The following SPDL1 variants were observed in gnomAD, a reference collection of about 807,000 sequenced individuals.
SPDL1 encodes the protein protein Spindly.
Under a neutral mutation model 79.5 loss-of-function variants are expected in SPDL1, and 85 were observed. That is an observed-to-expected ratio of 1.07 (90% CI 0.90 to 1.28). The LOEUF (loss-of-function observed/expected upper bound fraction) is 1.28, where lower values mean the gene tolerates loss of function less well. SPDL1 is among the 50% of genes most tolerant of loss of function. SPDL1 has a pLI of 0.00. For synonymous variants in SPDL1, 269 were observed against 240.3 expected (o/e 1.12, Z -1.10); for missense variants, 703 against 697.8 (o/e 1.01, Z -0.08).
intron 8 of SPDL1, 23 bp downstream of exon 8, chr5:169,596,724 C>T (rs370549413): frequency 2.9e-5 from 45 of 1,535,152 alleles, no homozygotes; most frequent in Non-Finnish European, 3.9e-5. Context: ...GTTAAAAAAA[C>T]ACACATCCAA....
chr5:169,599,535 G>C (rs947142050), intron 10 of SPDL1, among the ~76,000 whole-genome samples: 2 of 152,208 alleles, frequency 1.3e-5, no homozygotes, highest in South Asian at 4.1e-4. Flanking sequence ...AAAATCTAAA[G>C]TAATGGAGAC....
chr5:169,601,689 GAA>G (rs758813316), intron 11 of SPDL1, 64 bp downstream of exon 11: 2 of 1,352,848 alleles, frequency 1.5e-6, no homozygotes, highest in South Asian at 2.4e-5. Context: ...CTCGCTGCAT[GAA>G]CTGTGCTGTC....
At chr5:169,589,465 T>C (rs1184757715) in intron 2 of SPDL1, among the ~76,000 whole-genome samples, 1 of 152,180 alleles carries the variant, frequency 6.6e-6, no homozygotes, top group Non-Finnish European at 1.5e-5. Context: ...CTATGTGACC[T>C]GACCCCTGCC....
rs1311125368 is a variant in SPDL1 at position 169,588,393 on chromosome 5, G to A, written c.-23-1G>A. 4 of 1,584,952 alleles carry A rather than the reference G, an allele frequency of 2.5e-6. No homozygotes were observed. Among genetic ancestry groups the A allele is most frequent in the East Asian group, 2.2e-5 (1 of 44,524 alleles). On this transcript the variant is annotated splice_acceptor_variant, in intron 1 of 11. Coordinates refer to ENST00000265295, the MANE Select transcript of SPDL1 (RefSeq NM_017785.5). LOFTEE classifies it low-confidence loss of function (5UTR_SPLICE). ...AGTAGTTTTATTTCCTCTATTTACA[G>A]TTGGCTAAAAAAAAGAAAAGAACAT...
chr5:169,597,469 A>G (rs1755649000), intron 8 of SPDL1, among the ~76,000 whole-genome samples: 1 of 152,128 alleles, frequency 6.6e-6, no homozygotes, highest in Non-Finnish European at 1.5e-5. Flanking sequence ...TTTATTAATT[A>G]TAAAGGCTTT....
chr5:169,594,350 C>G (rs372486291), intron 5 of SPDL1, 44 bp from the exon 6 acceptor site: 1 of 1,611,146 alleles, frequency 6.2e-7, no homozygotes. Context: ...TATTTTCTTG[C>G]TAATGTAATC....
rs532187068 is a variant in SPDL1 at position 169,598,326 on chromosome 5, A to T, written c.1033-150A>T. The T allele has an allele frequency of 1.9e-4, 106 of 549,932 alleles. No homozygotes were observed. Among genetic ancestry groups the T allele is most frequent in the Non-Finnish European group, 3.1e-4 (95 of 306,384 alleles). 34.1% of individuals were successfully genotyped at this position (549,932 alleles called of 1,614,324 possible). The stretch of plus-strand genomic sequence containing the variant: ...AGAGAGGAATGTTAATTATTTACCT[A>T]CTTCAGAAGGCAGATAAATTAAATG... On this transcript the variant is annotated intron_variant, in intron 8 of 11. Coordinates refer to ENST00000265295, the MANE Select transcript of SPDL1 (RefSeq NM_017785.5).
At position 169,593,116 on chromosome 5, in the gene SPDL1, A is replaced by G. The variant is rs111582255; in HGVS notation, c.337-238A>G. ...TTCACACAGTAGCCAAGTGGTCCGC[A>G]TCATAGTGCCTCCAGATTGCTTCTG... On this transcript the variant is annotated intron_variant, in intron 3 of 11. Transcript: ENST00000265295. Among the ~76,000 whole-genome samples the G allele has an allele frequency of 1.4e-3, 214 of 152,242 alleles. 2 individuals are homozygous for G. Among genetic ancestry groups the G allele is most frequent in the African/African-American group, 5.0e-3 (209 of 41,538 alleles).
chr5:169,601,544 A>G lies in SPDL1; in HGVS notation c.1589A>G (p.Lys530Arg), dbSNP rs140331200. 1.9e-5 allele frequency: 30 copies of G among 1,614,064 alleles called. No homozygotes were observed. Among genetic ancestry groups the G allele is most frequent in the Non-Finnish European group, 2.4e-5 (28 of 1,180,038 alleles). Reference sequence around the variant, plus strand: ...GTGGATATGCAGCTGAAGAAGGAAAAGAAATGTGTGAAACTCATAGGAGTT... The same window carrying G: ...GTGGATATGCAGCTGAAGAAGGAAAGGAAATGTGTGAAACTCATAGGAGTT... ...LPVDMQLKKE[K>R]KCVKLIGVPA... Residue 530 changes from lysine (K) to arginine (R), a missense_variant, in exon 11 of 12, where the codon AAG (lysine) becomes AGG (arginine). By Grantham distance (26) the Lys-to-Arg change is conservative. Coordinates refer to ENST00000265295, the MANE Select transcript of SPDL1 (RefSeq NM_017785.5).
chr5:169,603,201 A>G (rs1262611890), intron 11 of SPDL1, among the ~76,000 whole-genome samples: 3 of 152,142 alleles, frequency 2.0e-5, no homozygotes, highest in Non-Finnish European at 2.9e-5. Flanking sequence ...CAATCCTAAG[A>G]TAATTTTGGA....
At chr5:169,594,878 G>T (rs925219867) in intron 7 of SPDL1, among the ~76,000 whole-genome samples, 197 bp downstream of exon 7, 2 of 152,080 alleles carry the variant, frequency 1.3e-5, no homozygotes, top group African/African-American at 4.8e-5. Flanking sequence ...TAAATATTTA[G>T]TAATAGTATA....
rs5873183 is a variant in SPDL1 at position 169,597,857 on chromosome 5, GT to G, written c.1033-616del. 8.1e-3 allele frequency among the ~76,000 whole-genome samples: 1,239 copies of G among 152,262 alleles called. 17 individuals are homozygous for G. The highest frequency in any genetic ancestry group is 0.028 in the African/African-American group (1,151 of 41,546). ...AATTTGGTTAAGTTGGCAGCCTTAT[GT>G]TTCCATCAGTGGGCTCAGAACTATA... On this transcript the variant is annotated intron_variant, in intron 8 of 11. Transcript: ENST00000265295.
In SPDL1 at chr5:169,594,396, A is replaced by G; in HGVS notation, c.684A>G (p.Lys228=). The change falls in exon 6 of 12, where the codon AAA becomes AAG. Residue 228 remains lysine, a splice_region_variant and synonymous_variant. Transcript: ENST00000265295. ...EAVSYYNALE[K]ARVANQDLQV... ...AAATTGTTTTCTTTTGAATTTAGAA[A>G]GCTCGTGTAGCAAATCAAGATCTTC... 1 of 1,614,008 alleles carries G rather than the reference A, an allele frequency of 6.2e-7. No homozygotes were observed. Among genetic ancestry groups the G allele is most frequent in the Non-Finnish European group, 8.5e-7 (1 of 1,179,900 alleles).
At chr5:169,592,143 C>G (rs10516067) in intron 3 of SPDL1, among the ~76,000 whole-genome samples, 5,874 of 150,298 alleles carry the variant, frequency 0.039, 168 homozygotes, top group Non-Finnish European at 0.058. Context: ...TATACTATTA[C>G]TTAATTTCTC....
intron 2 of SPDL1, 195 bp from the exon 3 acceptor site, chr5:169,590,851 CAT>C (rs1358386827): frequency 1.9e-5 from 12 of 631,336 alleles, no homozygotes; most frequent in Non-Finnish European, 3.5e-5. Context: ...ATGGGTTTAA[CAT>C]AGTTTCGAAA....
Position 169,591,100 on chromosome 5 carries a change from G to A in SPDL1, c.212G>A (p.Arg71Gln), listed in dbSNP as rs373642839. Residue 71 changes from arginine (R) to glutamine (Q), a missense_variant, in exon 3 of 12, where the codon CGA becomes CAA. Transcript: ENST00000265295. ...TLQREVELKS[R>Q]MLESLSCECE... ...CAAAGAGAAGTTGAACTCAAGAGTC[G>A]AATGTTAGAAAGTTTGAGCTGCGAA... 5.0e-6 allele frequency: 8 copies of A among 1,613,746 alleles called. No individual in the cohort carries two copies. The Admixed American group carries it at 6.7e-5, about 13-fold the overall frequency.
rs764482020 is a variant in SPDL1 at position 169,593,445 on chromosome 5, G to A, written c.428G>A (p.Cys143Tyr). ...GATCATCAGAAGGAACTCCTCTCTT[G>A]TAAATCAGAGGAACTGCGCGTAATG... ...QVDHQKELLS[C>Y]KSEELRVMSE... The change falls in exon 4 of 12, where the codon TGT (cysteine) becomes TAT (tyrosine). Residue 143 changes from cysteine (C) to tyrosine (Y), a missense_variant. By Grantham distance (194) the Cys-to-Tyr change is radical. Coordinates refer to ENST00000265295, the MANE Select transcript of SPDL1 (RefSeq NM_017785.5). 18 of 1,613,864 alleles carry A rather than the reference G, an allele frequency of 1.1e-5. No individual in the cohort carries two copies. The South Asian group carries it at 1.8e-4, about 16-fold the overall frequency.
chr5:169,590,179 A>G (rs1180537899), intron 2 of SPDL1, among the ~76,000 whole-genome samples: 1 of 152,244 alleles, frequency 6.6e-6, no homozygotes. Flanking sequence ...TTGAATCTCA[A>G]CATTGTAAAT....
At chr5:169,595,775 C>T (rs1443810015) in intron 7 of SPDL1, 1 of 152,192 alleles carries the variant, frequency 6.6e-6, no homozygotes. Context: ...AGACTAGAAG[C>T]ATTCTGAGTC....
Sources: gnomAD v4.1 joint callset for allele counts (sites outside exome capture counted in the v4.1 genomes callset) on GRCh38, gnomAD v4.1.1 for gene constraint, MANE v1.5 for transcripts, NCBI Gene and HGNC (gene_info 2026-07-23, HGNC 2026-07-21) for gene names.